KCNIP4: variants seen among roughly 807,000 people sequenced by gnomAD.
KCNIP4 encodes the protein potassium voltage-gated channel interacting protein 4.
In KCNIP4, 12 loss-of-function variants were observed where a neutral mutation model predicts 34.0. That is an observed-to-expected ratio of 0.35 (90% confidence interval 0.23 to 0.57). KCNIP4 has a LOEUF of 0.57. Among genes scored for constraint, KCNIP4 ranks in the 20% least tolerant of loss-of-function variants. KCNIP4 has a pLI of 0.83. For synonymous variants in KCNIP4, 124 were observed against 102.2 expected (o/e 1.21, Z -1.29); for missense variants, 238 against 311.7 (o/e 0.76, Z 1.78).
At chr4:21,720,350 C>T (rs1343859049) in intron 1 of KCNIP4, among the ~76,000 whole-genome samples, 1 of 151,812 alleles carries the variant, frequency 6.6e-6, no homozygotes, top group African/African-American at 2.4e-5. Context: ...AATCCAAAGA[C>T]AAGTGGAGCC....
chr4:21,578,325 T>C (rs1740912065), intron 1 of KCNIP4, among the ~76,000 whole-genome samples: 1 of 91,002 alleles, frequency 1.1e-5, no homozygotes, highest in Non-Finnish European at 1.9e-5. Flanking sequence ...AGAGCGAGAC[T>C]CCGTCTCAAA....
rs4054880 is a variant in KCNIP4 at position 21,259,885 on chromosome 4, CTGTGTG to C, written c.62-377182_62-377177del. Among the ~76,000 whole-genome samples the C allele has an allele frequency of 9.5e-3, 1,394 of 145,992 alleles. 10 individuals are homozygous for C. The highest frequency in any genetic ancestry group is 0.014 in the South Asian group (62 of 4,474). On this transcript the variant is annotated intron_variant, in intron 1 of 8. Transcript: ENST00000382152. ...TGAAAGTTTGGCAAAGCGCCCAAGA[CTGTGTG>C]TGTGTGTGTGTGTGTGTGTGTGTGT...
chr4:21,319,839 T>C (rs1175507228), intron 1 of KCNIP4, among the ~76,000 whole-genome samples: 3 of 152,134 alleles, frequency 2.0e-5, no homozygotes, highest in Non-Finnish European at 2.9e-5. Context: ...CACTAATGGA[T>C]AGCAAAATCA....
At chr4:21,262,010 AC>A (rs1761501740) in intron 1 of KCNIP4, among the ~76,000 whole-genome samples, 1 of 152,226 alleles carries the variant, frequency 6.6e-6, no homozygotes, top group South Asian at 2.1e-4. Flanking sequence ...AAATTTCTGG[AC>A]CCTGCACATT....
At chr4:21,872,503 A>T (rs962761434) in intron 1 of KCNIP4, among the ~76,000 whole-genome samples, 1 of 152,192 alleles carries the variant, frequency 6.6e-6, no homozygotes, top group African/African-American at 2.4e-5. Context: ...TTCCAGGTCG[A>T]AGTACAGAAT....
At chr4:21,403,103 G>C (rs1723680898) in intron 1 of KCNIP4, among the ~76,000 whole-genome samples, 2 of 152,162 alleles carry the variant, frequency 1.3e-5, no homozygotes, top group African/African-American at 4.8e-5. Flanking sequence ...GTTGGTAACT[G>C]TTTCTTCCTT....
chr4:20,748,591 TA>T lies in KCNIP4; in HGVS notation c.429+1070del, dbSNP rs1466720165. ...ATATATATATATATATATATATATA[TA>T]TATATATATATATTCCATAAGTAAA... On this transcript the variant is annotated intron_variant, in intron 5 of 8. Coordinates refer to ENST00000382152, the MANE Select transcript of KCNIP4 (RefSeq NM_025221.6). 8.0e-3 allele frequency among the ~76,000 whole-genome samples: 821 copies of T among 102,406 alleles called. 9 individuals are homozygous for T. The highest frequency in any genetic ancestry group is 0.012 in the Non-Finnish European group (554 of 47,578). 67.2% of individuals were successfully genotyped at this position (102,406 alleles called of 152,430 possible). A position where few individuals can be genotyped will look rare whatever the true frequency, so the allele number is the denominator to read the frequency against.
At chr4:21,763,242 G>A (rs1160466589) in intron 1 of KCNIP4, among the ~76,000 whole-genome samples, 4 of 152,128 alleles carry the variant, frequency 2.6e-5, no homozygotes, top group African/African-American at 7.2e-5. Context: ...CCACGGCTGT[G>A]CATTCCTCTA....
chr4:21,619,339 T>TA (rs1408851447), intron 1 of KCNIP4, among the ~76,000 whole-genome samples: 4 of 152,236 alleles, frequency 2.6e-5, no homozygotes, highest in African/African-American at 9.6e-5. Flanking sequence ...AATAGCTTTT[T>TA]AAAAAATTAG....
intron 1 of KCNIP4, among the ~76,000 whole-genome samples, chr4:21,673,630 T>C (rs1464569433): frequency 6.6e-6 from 1 of 152,144 alleles, no homozygotes; most frequent in Non-Finnish European, 1.5e-5. Context: ...TAAAAACCAG[T>C]GGAAATGAGG....
chr4:21,717,491 C>A (rs2109089233), intron 1 of KCNIP4, among the ~76,000 whole-genome samples: 1 of 152,186 alleles, frequency 6.6e-6, no homozygotes, highest in African/African-American at 2.4e-5. Context: ...TCAAAAAAAG[C>A]TGAGCCTTTG....
intron 1 of KCNIP4, among the ~76,000 whole-genome samples, chr4:21,193,764 G>T (rs1046207097): frequency 6.6e-6 from 1 of 151,922 alleles, no homozygotes; most frequent in East Asian, 1.9e-4. Flanking sequence ...GTAGAGACGG[G>T]GTTTCACCAT....
At chr4:21,136,751 A>G (rs537394950) in intron 1 of KCNIP4, among the ~76,000 whole-genome samples, 1 of 152,266 alleles carries the variant, frequency 6.6e-6, no homozygotes, top group South Asian at 2.1e-4. Context: ...AATTCTACAG[A>G]CAAAGCAGTG....
intron 1 of KCNIP4, among the ~76,000 whole-genome samples, chr4:20,986,629 G>A (rs886381568): frequency 2.0e-5 from 3 of 152,210 alleles, no homozygotes; most frequent in Non-Finnish European, 2.9e-5. Context: ...TTCAATCATT[G>A]CTTTGTCTGG....
At chr4:21,031,244 T>A (rs1392112248) in intron 1 of KCNIP4, among the ~76,000 whole-genome samples, 1 of 152,242 alleles carries the variant, frequency 6.6e-6, no homozygotes, top group Non-Finnish European at 1.5e-5. Context: ...GAGTCTGGCA[T>A]GCCTTAATGA....
In KCNIP4 at chr4:21,694,929, A is replaced by AT. The variant is rs1425288729; in HGVS notation, c.61+253641_61+253642insA. Among the ~76,000 whole-genome samples, 191 of 87,552 alleles carry AT rather than the reference A, an allele frequency of 2.2e-3. 5 individuals are homozygous for AT. Among genetic ancestry groups the AT allele is most frequent in the Middle Eastern group, 0.011 (2 of 186 alleles). The allele number at this position is 87,552 out of a possible 152,430, so 57.4% of individuals were successfully genotyped here. A position where few individuals can be genotyped will look rare whatever the true frequency, so the allele number is the denominator to read the frequency against. On this transcript the variant is annotated intron_variant, in intron 1 of 8. Transcript: ENST00000382152. ...CACGATTGACCAAAAAAAAAAAAAAAATAAAAATAAATAAATAAATAAAGG... is the reference window on the plus strand; with the variant it reads ...CACGATTGACCAAAAAAAAAAAAAAATATAAAAATAAATAAATAAATAAAGG...
At chr4:21,054,344 C>A (rs1743209493) in intron 1 of KCNIP4, among the ~76,000 whole-genome samples, 1 of 151,862 alleles carries the variant, frequency 6.6e-6, no homozygotes, top group Non-Finnish European at 1.5e-5. Flanking sequence ...CATGGTGAAA[C>A]CCCGTCTCTA....
intron 1 of KCNIP4, among the ~76,000 whole-genome samples, chr4:21,189,597 T>C (rs1449288128): frequency 1.3e-5 from 2 of 152,228 alleles, no homozygotes; most frequent in African/African-American, 4.8e-5. Flanking sequence ...GATGTTGTCA[T>C]CTGATAGGTG....
chr4:21,556,749 C>A (rs1185821236), intron 1 of KCNIP4, among the ~76,000 whole-genome samples: 1 of 151,492 alleles, frequency 6.6e-6, no homozygotes, highest in African/African-American at 2.4e-5. Flanking sequence ...GGTGAAACCC[C>A]ATCTTTACTA....
Sources: gnomAD v4.1 joint callset for allele counts (sites outside exome capture counted in the v4.1 genomes callset) on GRCh38, gnomAD v4.1.1 for gene constraint, MANE v1.5 for transcripts, NCBI Gene and HGNC (gene_info 2026-07-23, HGNC 2026-07-21) for gene names.